PCM1: variants seen among roughly 807,000 people sequenced by gnomAD.
PCM1 encodes the protein pericentriolar material 1 protein.
In PCM1, 157 loss-of-function variants were observed where a neutral mutation model predicts 241.9. The ratio of observed to expected loss-of-function variants is 0.65; its 90% confidence interval spans 0.57 to 0.74. The LOEUF is 0.74. PCM1 is among the 30% of genes least tolerant of loss of function. The pLI, the probability that PCM1 is intolerant of heterozygous loss-of-function variation, is 0.00. For missense variants in PCM1, 3,478 were observed against 2,360.1 expected, an observed-to-expected ratio of 1.47 and a Z score of -9.81; for synonymous variants, 1,085 against 784.9, an observed-to-expected ratio of 1.38 and a Z score of -6.39.
intron 10 of PCM1, among the ~76,000 whole-genome samples, chr8:17,956,336 ACCTG>A (rs1478635370): frequency 6.6e-6 from 1 of 152,124 alleles, no homozygotes; most frequent in East Asian, 1.9e-4. Flanking sequence ...TAACATTTAC[ACCTG>A]CTTAAAATGA....
intron 27 of PCM1, 45 bp from the exon 28 acceptor site, chr8:17,991,497 A>G: frequency 1.3e-6 from 2 of 1,499,346 alleles, no homozygotes; most frequent in South Asian, 1.3e-5. Flanking sequence ...TATATGAAAA[A>G]GTTCACTTTT....
At chr8:17,998,378 C>G (rs2087797280) in intron 29 of PCM1, among the ~76,000 whole-genome samples, 1 of 152,094 alleles carries the variant, frequency 6.6e-6, no homozygotes, top group South Asian at 2.1e-4. Context: ...GACTTGGGTC[C>G]CAAGCCCAAA....
chr8:17,948,198 G>T (rs938993712), intron 7 of PCM1, among the ~76,000 whole-genome samples: 1 of 151,010 alleles, frequency 6.6e-6, no homozygotes, highest in Non-Finnish European at 1.5e-5. Context: ...TTATTCTGCT[G>T]TCCAAACCTA....
At chr8:17,933,094 T>C (rs1385806786) in intron 2 of PCM1, among the ~76,000 whole-genome samples, 2 of 152,334 alleles carry the variant, frequency 1.3e-5, no homozygotes, top group Non-Finnish European at 2.9e-5. Context: ...TGTTAGCAAA[T>C]TGTTGTATCA....
chr8:18,028,382 A>G lies in PCM1; in HGVS notation c.*720A>G, dbSNP rs543426141. 7.9e-5 allele frequency: 15 copies of G among 190,770 alleles called. No homozygotes were observed. In the South Asian group the frequency reaches 2.7e-3, roughly 35 times the overall value. The allele number at this position is 190,770 out of a possible 1,614,324, so 11.8% of individuals were successfully genotyped here. On this transcript the variant is annotated 3_prime_UTR_variant, in exon 39 of 39. Coordinates refer to ENST00000325083, the MANE Select transcript of PCM1 (RefSeq NM_006197.4). ...ATCTACATCGCCTCAGACTAAAAGTAAAAAAAATAAGCTTTATATAATTAG... is the reference window on the plus strand; with the variant it reads ...ATCTACATCGCCTCAGACTAAAAGTGAAAAAAATAAGCTTTATATAATTAG...
chr8:17,988,205 T>TG (rs1554723619), intron 26 of PCM1, among the ~76,000 whole-genome samples: 1 of 111,856 alleles, frequency 8.9e-6, no homozygotes, highest in Non-Finnish European at 2.4e-5. Flanking sequence ...CTTGAAACAG[T>TG]AAAAAAAATG....
At position 17,961,956 on chromosome 8, in the gene PCM1, T is replaced by A. The variant is rs963358685; in HGVS notation, c.2323-78T>A. On this transcript the variant is annotated intron_variant, in intron 15 of 38. Transcript: ENST00000325083. The stretch of plus-strand genomic sequence containing the variant: ...ATATGGCACTAGAGCCTTAGTGCCA[T>A]ATTTAAAGTAACTGCTTTTATGAAA... The A allele has an allele frequency of 2.3e-6, 3 of 1,285,820 alleles. No homozygotes were observed. In the African/African-American group the frequency reaches 4.5e-5, roughly 19 times the overall value. 79.7% of individuals were successfully genotyped at this position (1,285,820 alleles called of 1,614,324 possible). A position where few individuals can be genotyped will look rare whatever the true frequency, so the allele number is the denominator to read the frequency against.
At chr8:17,956,809 A>G in intron 11 of PCM1, 32 bp downstream of exon 11, 1 of 1,531,174 alleles carries the variant, frequency 6.5e-7, no homozygotes, top group Non-Finnish European at 9.0e-7. Flanking sequence ...TTTTTCCAGC[A>G]TATTCATTCT....
chr8:17,950,772 T>A (rs201431631), intron 8 of PCM1, 48 bp downstream of exon 8: 11 of 1,006,232 alleles, frequency 1.1e-5, no homozygotes, highest in East Asian at 5.2e-5. Flanking sequence ...TCACATTAAT[T>A]AGAACAGTGA....
intron 25 of PCM1, 83 bp downstream of exon 25, chr8:17,985,702 A>C (rs1056008286): frequency 2.8e-6 from 3 of 1,059,882 alleles, no homozygotes; most frequent in Non-Finnish European, 4.1e-6. Context: ...AGACTGAAGC[A>C]TGTGCCATAT....
intron 38 of PCM1, among the ~76,000 whole-genome samples, chr8:18,026,331 T>A (rs1351129988): frequency 6.9e-6 from 1 of 144,530 alleles, no homozygotes; most frequent in Non-Finnish European, 1.5e-5. Flanking sequence ...CTCAGCTCAC[T>A]GCAAGCTCCT....
chr8:17,999,250 T>C (rs1283979782), intron 29 of PCM1, among the ~76,000 whole-genome samples: 4 of 152,064 alleles, frequency 2.6e-5, no homozygotes, highest in Non-Finnish European at 5.9e-5. Context: ...TCAGTATACG[T>C]TGGATCTCAC....
At position 17,956,569 on chromosome 8, in the gene PCM1, G is replaced by C. The variant is rs539322851; in HGVS notation, c.1473-35G>C. ...TGTCTGTATTATTTTGCTAAAATGG[G>C]TGTAAATCGTATACATAAATTTTTT... On this transcript the variant is annotated intron_variant, in intron 10 of 38. Coordinates refer to ENST00000325083, the MANE Select transcript of PCM1 (RefSeq NM_006197.4). The C allele has an allele frequency of 2.3e-6, 3 of 1,325,932 alleles. No homozygotes were observed. The South Asian group carries it at 3.9e-5, about 17-fold the overall frequency. 82.1% of individuals were successfully genotyped at this position (1,325,932 alleles called of 1,614,324 possible).
intron 29 of PCM1, among the ~76,000 whole-genome samples, chr8:17,999,105 G>A (rs957339660): frequency 6.6e-5 from 10 of 152,200 alleles, no homozygotes; most frequent in Middle Eastern, 3.4e-3. Context: ...CCAGGTTCTC[G>A]AATTGCGGAT....
Position 17,993,699 on chromosome 8 carries a change from A to G in PCM1, c.4827+80A>G, listed in dbSNP as rs1290415263. 10 of 1,222,344 alleles carry G rather than the reference A, an allele frequency of 8.2e-6. No individual in the cohort carries two copies. In the East Asian group the frequency reaches 2.6e-4, roughly 32 times the overall value. 75.7% of individuals were successfully genotyped at this position (1,222,344 alleles called of 1,614,324 possible). ...CATACAGAAGACCTTATTGTGATAA[A>G]GTTCAACGGTATAGGTAAACAACAA... On this transcript the variant is annotated intron_variant, in intron 29 of 38. Coordinates refer to ENST00000325083, the MANE Select transcript of PCM1 (RefSeq NM_006197.4).
At chr8:17,960,571 C>G (rs1037202264) in intron 15 of PCM1, 127 bp downstream of exon 15, 2 of 609,892 alleles carry the variant, frequency 3.3e-6, no homozygotes, top group Non-Finnish European at 2.5e-6. Context: ...GTTGCCCAGG[C>G]TGAAGTGCAG....
At chr8:17,932,894 A>C (rs1385268113) in intron 2 of PCM1, among the ~76,000 whole-genome samples, 1 of 152,104 alleles carries the variant, frequency 6.6e-6, no homozygotes, top group African/African-American at 2.4e-5. Flanking sequence ...CCAATACCCT[A>C]AGGCATCTGT....
intron 36 of PCM1, among the ~76,000 whole-genome samples, chr8:18,023,580 T>C (rs2093930579): frequency 6.6e-6 from 1 of 152,232 alleles, no homozygotes; most frequent in African/African-American, 2.4e-5. Context: ...GTTAATTAGA[T>C]ATTGTTGCCC....
At chr8:17,935,453 A>T (rs1023193828) in intron 2 of PCM1, 136 bp from the exon 3 acceptor site, 2 of 577,920 alleles carry the variant, frequency 3.5e-6, no homozygotes, top group Non-Finnish European at 6.2e-6. Context: ...TTTGTCTGTG[A>T]TGTGGTTGAC....
Sources: gnomAD v4.1 joint callset for allele counts (sites outside exome capture counted in the v4.1 genomes callset) on GRCh38, gnomAD v4.1.1 for gene constraint, MANE v1.5 for transcripts, NCBI Gene and HGNC (gene_info 2026-07-23, HGNC 2026-07-21) for gene names.